SIPA1L3: variants seen among roughly 807,000 people sequenced by gnomAD.
The protein encoded by SIPA1L3 is signal-induced proliferation-associated 1-like protein 3.
Under a neutral mutation model 150.1 loss-of-function variants are expected in SIPA1L3, and 59 were observed. The ratio of observed to expected loss-of-function variants is 0.39; its 90% CI spans 0.32 to 0.49. SIPA1L3 has a LOEUF of 0.49. SIPA1L3 is among the 20% of genes least tolerant of loss of function. SIPA1L3 has a pLI of 0.86. For missense variants in SIPA1L3, 2,211 were observed against 2,489.5 expected (o/e 0.89, Z 2.38); for synonymous variants, 1,070 against 1,077.6 (o/e 0.99, Z 0.14).
chr19:38,035,004 A>G (rs1968748142), intron 2 of SIPA1L3, among the ~76,000 whole-genome samples: 1 of 152,172 alleles, frequency 6.6e-6, no homozygotes, highest in African/African-American at 2.4e-5. Flanking sequence ...CGGTGAGGGA[A>G]GCAGACCTTC....
At chr19:38,145,920 G>T (rs1370128877) in intron 12 of SIPA1L3, among the ~76,000 whole-genome samples, 1 of 151,912 alleles carries the variant, frequency 6.6e-6, no homozygotes, top group Admixed American at 6.6e-5. Context: ...GAGTGCAATG[G>T]CACGATCATA....
intron 18 of SIPA1L3, among the ~76,000 whole-genome samples, chr19:38,196,740 T>TGGAGGCCGAGGGGGGAGCCA (rs565274348): frequency 1.3e-5 from 2 of 149,334 alleles, no homozygotes; most frequent in African/African-American, 2.5e-5. Flanking sequence ...GGGCAGAGCA[T>TGGAGGCCGAGGGGGGAGCCA]GGAGGCCGAG....
intron 14 of SIPA1L3, 97 bp downstream of exon 14, chr19:38,162,468 C>T: frequency 1.2e-6 from 1 of 846,494 alleles, no homozygotes; most frequent in Non-Finnish European, 2.0e-6. Context: ...ACCTCTGCCA[C>T]CTTCCACTCA....
intron 1 of SIPA1L3, among the ~76,000 whole-genome samples, chr19:38,001,078 T>C (rs1019235709): frequency 2.7e-5 from 4 of 150,868 alleles, no homozygotes; most frequent in Non-Finnish European, 5.9e-5. Context: ...ATATATCACA[T>C]ATATATATAC....
chr19:37,959,861 C>T (rs772649420), intron 1 of SIPA1L3, among the ~76,000 whole-genome samples: 20 of 147,644 alleles, frequency 1.4e-4, no homozygotes, highest in African/African-American at 2.3e-4. Context: ...TCACAGCATG[C>T]GTCTAAATTT....
chr19:38,111,403 T>C (rs10425099), intron 8 of SIPA1L3, among the ~76,000 whole-genome samples: 4,203 of 152,268 alleles, frequency 0.028, 185 homozygotes, highest in African/African-American at 0.095. Context: ...TGTATGGATG[T>C]GGAGTCATCT....
At chr19:37,910,226 T>C (rs1226811487) in intron 1 of SIPA1L3, among the ~76,000 whole-genome samples, 1 of 152,194 alleles carries the variant, frequency 6.6e-6, no homozygotes, top group African/African-American at 2.4e-5. Context: ...ATAAAAGAAT[T>C]CAATAATCAT....
intron 9 of SIPA1L3, among the ~76,000 whole-genome samples, chr19:38,125,727 C>T (rs1316115704): frequency 1.1e-4 from 16 of 152,308 alleles, no homozygotes; most frequent in Non-Finnish European, 1.3e-4. Context: ...ACTCAACTGC[C>T]CCAGACATCC....
In SIPA1L3 at chr19:37,938,492, A is replaced by G. The variant is rs528608177; in HGVS notation, c.-379+31134A>G. Among the ~76,000 whole-genome samples, 5 of 152,310 alleles carry G rather than the reference A, an allele frequency of 3.3e-5. No individual in the cohort carries two copies. In the South Asian group the frequency reaches 6.2e-4, roughly 19 times the overall value. On this transcript the variant is annotated intron_variant, in intron 1 of 21. Coordinates refer to ENST00000222345, the MANE Select transcript of SIPA1L3 (RefSeq NM_015073.3). ...TTTTTTACTTTTGCCAGCCTAGTGG[A>G]TAGGAAATGAAATCTCATTGTGGTT...
At chr19:37,997,400 T>C (rs560758785) in intron 1 of SIPA1L3, among the ~76,000 whole-genome samples, 1 of 151,030 alleles carries the variant, frequency 6.6e-6, no homozygotes, top group African/African-American at 2.4e-5. Flanking sequence ...ACACCCGATC[T>C]CTACTAAAAA....
rs117319176 is a variant in SIPA1L3, at chr19:37,917,714, C to A, written c.-379+10356C>A. Among the ~76,000 whole-genome samples, 142 of 152,144 alleles carry A rather than the reference C, an allele frequency of 9.3e-4. 3 individuals are homozygous for A. In the East Asian group the frequency reaches 0.026, roughly 28 times the overall value. Reference sequence around the variant, plus strand: ...ATAGGAGGGACTTGTTGCACAAAATCGATTCTGAGGCCGGTCGTAGAAGAT... The same window carrying A: ...ATAGGAGGGACTTGTTGCACAAAATAGATTCTGAGGCCGGTCGTAGAAGAT... On this transcript the variant is annotated intron_variant, in intron 1 of 21. Transcript: ENST00000222345.
At chr19:37,936,311 C>T (rs1216628942) in intron 1 of SIPA1L3, among the ~76,000 whole-genome samples, 1 of 152,182 alleles carries the variant, frequency 6.6e-6, no homozygotes, top group Non-Finnish European at 1.5e-5. Context: ...ATTCACCTGC[C>T]AGCACTCCAT....
intron 1 of SIPA1L3, among the ~76,000 whole-genome samples, chr19:38,019,067 G>T (rs1043563623): frequency 1.3e-5 from 2 of 152,218 alleles, no homozygotes; most frequent in African/African-American, 4.8e-5. Context: ...CAGGTTACTA[G>T]AAGGATTTCT....
chr19:38,154,860 C>G (rs1971909105), intron 13 of SIPA1L3, among the ~76,000 whole-genome samples: 1 of 151,674 alleles, frequency 6.6e-6, no homozygotes, highest in African/African-American at 2.4e-5. Context: ...CTCCCAGGCT[C>G]AAGCGATTCT....
chr19:38,206,264 C>T lies in SIPA1L3; in HGVS notation c.*24C>T, dbSNP rs759754614. On this transcript the variant is annotated 3_prime_UTR_variant, in exon 22 of 22. Transcript: ENST00000222345. The stretch of plus-strand genomic sequence containing the variant: ...GAGGTGGGAGGCCGCCGCCCGCCTT[C>T]GCTCCTTCCCCTCAGGCCGTGGCCC... The T allele has an allele frequency of 6.9e-5, 105 of 1,524,074 alleles. No individual in the cohort carries two copies. Among genetic ancestry groups the T allele is most frequent in the Admixed American group, 4.0e-5 (2 of 49,804 alleles). The allele number at this position is 1,524,074 out of a possible 1,614,324, so 94.4% of individuals were successfully genotyped here.
intron 16 of SIPA1L3, 177 bp downstream of exon 16, chr19:38,182,917 TG>T (rs1972592868): frequency 1.8e-6 from 1 of 571,390 alleles, no homozygotes; most frequent in Admixed American, 3.3e-5. Flanking sequence ...CTTGGGGAGC[TG>T]GCATTCCATT....
intron 2 of SIPA1L3, among the ~76,000 whole-genome samples, chr19:38,072,799 T>C (rs1481796189): frequency 6.6e-6 from 1 of 152,248 alleles, no homozygotes; most frequent in African/African-American, 2.4e-5. Flanking sequence ...ACTGTCCACA[T>C]TGGAGGGCTC....
intron 1 of SIPA1L3, among the ~76,000 whole-genome samples, chr19:37,994,609 A>G (rs1338994147): frequency 6.6e-6 from 1 of 152,182 alleles, no homozygotes. Context: ...GGATGAGGAA[A>G]TATACCAAGT....
At position 38,182,551 on chromosome 19, in the gene SIPA1L3, A is replaced by G; in HGVS notation, c.4241A>G (p.Gln1414Arg). 6.2e-7 allele frequency: 1 copy of G among 1,613,544 alleles called. No homozygotes were observed. The highest frequency in any genetic ancestry group is 8.5e-7 in the Non-Finnish European group (1 of 1,179,662). ...GGCTCGAGGGTTGGCTACCCCGCTC[A>G]GGTTTACAAAACTGCCAGTGCAGAG... ...DMGSRVGYPAQVYKTASAETP... is the reference protein window; with the variant it reads ...DMGSRVGYPARVYKTASAETP... Residue 1414 changes from glutamine (Q) to arginine (R), a missense_variant, in exon 16 of 22, where the codon CAG becomes CGG. Gln to Arg is a conservative substitution (Grantham distance 43, BLOSUM62 1). Transcript: ENST00000222345.
Sources: gnomAD v4.1 joint callset for allele counts (sites outside exome capture counted in the v4.1 genomes callset) on GRCh38, gnomAD v4.1.1 for gene constraint, MANE v1.5 for transcripts, NCBI Gene and HGNC (gene_info 2026-07-23, HGNC 2026-07-21) for gene names.